CNTNAP4: variants seen among roughly 807,000 people sequenced by gnomAD.
CNTNAP4 encodes contactin associated protein family member 4.
A neutral mutation model predicts 148.4 loss-of-function variants in CNTNAP4; 98 were observed. That is an observed-to-expected ratio of 0.66 (90% CI 0.56 to 0.78). The LOEUF is 0.78. Ranked by LOEUF, CNTNAP4 falls within the 30% of genes least tolerant of loss-of-function variation. The probability of loss-of-function intolerance (pLI) is 0.00; values close to 1 mark genes in which losing one functional copy is unlikely to be tolerated. For missense variants in CNTNAP4, 1,935 were observed against 1,565.6 expected (o/e 1.24, Z -3.98); for synonymous variants, 730 against 565.1 (o/e 1.29, Z -4.14).
intron 1 of CNTNAP4, among the ~76,000 whole-genome samples, chr16:76,280,386 G>A (rs1958641380): frequency 6.6e-6 from 1 of 152,064 alleles, no homozygotes; most frequent in Non-Finnish European, 1.5e-5. Context: ...ATATGTATAT[G>A]TGCTCATTTG....
chr16:76,454,276 A>T (rs781364383), intron 8 of CNTNAP4, among the ~76,000 whole-genome samples: 1 of 151,982 alleles, frequency 6.6e-6, no homozygotes, highest in African/African-American at 2.4e-5. Context: ...CACCACACCC[A>T]GCTAATTTGG....
In CNTNAP4 at chr16:76,470,482, A is replaced by ATAT. The variant is rs146482811; in HGVS notation, c.1655+2959_1655+2960insTAT. Reference sequence around the variant, plus strand: ...ATAGCAAAACCACGTCTCTACTAATAATATATATATATATAAAATTAGTCG... The same window carrying ATAT: ...ATAGCAAAACCACGTCTCTACTAATATATATATATATATATATAAAATTAGTCG... On this transcript the variant is annotated intron_variant, in intron 10 of 23. Coordinates refer to ENST00000611870, the MANE Select transcript of CNTNAP4 (RefSeq NM_033401.5). Among the ~76,000 whole-genome samples the ATAT allele has an allele frequency of 9.0e-3, 874 of 96,988 alleles. 119 individuals are homozygous for ATAT. The highest frequency in any genetic ancestry group is 0.038 in the African/African-American group (796 of 21,128). 63.6% of individuals were successfully genotyped at this position (96,988 alleles called of 152,430 possible). A position where few individuals can be genotyped will look rare whatever the true frequency, so the allele number is the denominator to read the frequency against.
intron 3 of CNTNAP4, among the ~76,000 whole-genome samples, chr16:76,365,751 C>CAAAG (rs2014040820): frequency 1.0e-5 from 1 of 100,036 alleles, no homozygotes; most frequent in Non-Finnish European, 2.0e-5. Flanking sequence ...GACTCCGTCT[C>CAAAG]AAAAAAAAAA....
intron 10 of CNTNAP4, among the ~76,000 whole-genome samples, chr16:76,473,620 A>G (rs1370609654): frequency 1.3e-5 from 2 of 151,982 alleles, no homozygotes; most frequent in African/African-American, 4.8e-5. Flanking sequence ...AAAAAATACA[A>G]AAAATTAGCC....
At position 76,447,096 on chromosome 16, in the gene CNTNAP4, C is replaced by G. The variant is rs368595871; in HGVS notation, c.539-916C>G. The stretch of plus-strand genomic sequence containing the variant: ...GCTGAGGTAGGCAGATCGCCTAAAC[C>G]CAGGAATTCGAGACCAGCCTGGGCA... On this transcript the variant is annotated intron_variant, in intron 4 of 23. Transcript: ENST00000611870. Among the ~76,000 whole-genome samples the G allele has an allele frequency of 3.3e-5, 5 of 152,074 alleles. No homozygotes were observed. In the East Asian group the frequency reaches 9.7e-4, roughly 29 times the overall value.
chr16:76,282,827 T>G (rs1958736979), intron 1 of CNTNAP4, among the ~76,000 whole-genome samples: 1 of 151,920 alleles, frequency 6.6e-6, no homozygotes, highest in African/African-American at 2.4e-5. Context: ...AAAATTAAAT[T>G]AAAAATATGA....
intron 18 of CNTNAP4, among the ~76,000 whole-genome samples, chr16:76,535,992 A>G (rs1370098222): frequency 2.6e-5 from 4 of 152,176 alleles, no homozygotes; most frequent in African/African-American, 7.2e-5. Context: ...ATCATATTTC[A>G]TTACTTAAAT....
intron 2 of CNTNAP4, among the ~76,000 whole-genome samples, chr16:76,322,125 T>C (rs1170416157): frequency 6.6e-6 from 1 of 152,206 alleles, no homozygotes; most frequent in East Asian, 1.9e-4. Context: ...CAGAATCCGA[T>C]GTGCTGAGAG....
In CNTNAP4 at chr16:76,494,952, C is replaced by T. The variant is rs753736323; in HGVS notation, c.2123C>T (p.Thr708Met). Reference sequence around the variant, plus strand: ...TGGTGGGTAGGAAGAACCAATGAAACGCAAACCTACTGGGGAGGTTCTTCG... The same window carrying T: ...TGGTGGGTAGGAAGAACCAATGAAATGCAAACCTACTGGGGAGGTTCTTCG... ...LSWWVGRTNE[T>M]QTYWGGSSPD... The change falls in exon 14 of 24, where the codon ACG becomes ATG. Residue 708 changes from threonine (T) to methionine (M), a missense_variant. By Grantham distance (81) the Thr-to-Met change is moderately conservative. Coordinates refer to ENST00000611870, the MANE Select transcript of CNTNAP4 (RefSeq NM_033401.5). 2.4e-5 allele frequency: 39 copies of T among 1,613,498 alleles called. No individual in the cohort carries two copies. The highest frequency in any genetic ancestry group is 6.7e-5 in the East Asian group (3 of 44,852).
chr16:76,328,740 G>C (rs1963242609), intron 2 of CNTNAP4, among the ~76,000 whole-genome samples: 1 of 152,088 alleles, frequency 6.6e-6, no homozygotes. Flanking sequence ...CCGCCTCCCA[G>C]GTTCAAGTGA....
chr16:76,335,273 T>G (rs1417540488), intron 2 of CNTNAP4, among the ~76,000 whole-genome samples: 1 of 152,184 alleles, frequency 6.6e-6, no homozygotes, highest in Non-Finnish European at 1.5e-5. Flanking sequence ...TCAGAGGCTA[T>G]TTCTATGTGT....
chr16:76,550,814 A>G (rs1415453561), intron 21 of CNTNAP4, among the ~76,000 whole-genome samples: 2 of 152,114 alleles, frequency 1.3e-5, no homozygotes, highest in African/African-American at 2.4e-5. Context: ...ACTGCCTCCT[A>G]TATAATGACG....
chr16:76,321,394 G>C (rs536409038), intron 2 of CNTNAP4, among the ~76,000 whole-genome samples: 1 of 152,264 alleles, frequency 6.6e-6, no homozygotes, highest in Non-Finnish European at 1.5e-5. Context: ...TATGCATGTT[G>C]CATGTCAGTG....
chr16:76,321,513 G>C (rs926289620), intron 2 of CNTNAP4, among the ~76,000 whole-genome samples: 1 of 152,152 alleles, frequency 6.6e-6, no homozygotes, highest in African/African-American at 2.4e-5. Flanking sequence ...CTATAGGCCG[G>C]GTGCAGTGGC....
intron 18 of CNTNAP4, among the ~76,000 whole-genome samples, chr16:76,536,504 A>G (rs1052153371): frequency 1.3e-5 from 2 of 152,068 alleles, no homozygotes; most frequent in African/African-American, 4.8e-5. Context: ...CCCTGTTACT[A>G]TTGTATTTGT....
At chr16:76,337,068 G>C (rs2144310303) in intron 2 of CNTNAP4, among the ~76,000 whole-genome samples, 1 of 152,254 alleles carries the variant, frequency 6.6e-6, no homozygotes, top group East Asian at 1.9e-4. Context: ...AAAACAACCT[G>C]AAATATTCAT....
chr16:76,381,604 T>C (rs1345902972), intron 3 of CNTNAP4, among the ~76,000 whole-genome samples: 4 of 152,158 alleles, frequency 2.6e-5, no homozygotes, highest in Non-Finnish European at 4.4e-5. Context: ...TAACATGTGG[T>C]TTACCTCTAC....
chr16:76,355,573 G>A, intron 3 of CNTNAP4, 62 bp downstream of exon 3: 3 of 1,212,502 alleles, frequency 2.5e-6, no homozygotes, highest in Non-Finnish European at 3.3e-6. Flanking sequence ...ACTGCATCTT[G>A]TTTACCAATC....
chr16:76,556,273 A>C (rs1463860912), intron 23 of CNTNAP4, among the ~76,000 whole-genome samples: 1 of 152,208 alleles, frequency 6.6e-6, no homozygotes, highest in Non-Finnish European at 1.5e-5. Flanking sequence ...ATATATATAC[A>C]TCTTCATAAA....
Sources: allele counts gnomAD v4.1 joint callset (sites outside exome capture counted in the v4.1 genomes callset), GRCh38; gene constraint gnomAD v4.1.1; transcripts MANE v1.5; gene names NCBI Gene and HGNC (gene_info 2026-07-23, HGNC 2026-07-21).